CMC2: variants seen among roughly 807,000 people sequenced by gnomAD.
The protein encoded by CMC2 is COX assembly mitochondrial protein 2 homolog.
In CMC2, 5 loss-of-function variants were observed where a neutral mutation model predicts 7.5. The observed-to-expected ratio is 0.66, with a 90% CI of 0.35 to 1.40. The LOEUF is 1.40. Among genes scored for constraint, CMC2 ranks in the 40% most tolerant of loss-of-function variants. The probability of loss-of-function intolerance (pLI) is 0.04; values close to 1 mark genes in which losing one functional copy is unlikely to be tolerated. For missense variants in CMC2, 115 were observed against 92.3 expected, an observed-to-expected ratio of 1.25 and a Z score of -1.01; for synonymous variants, 37 against 31.4, an observed-to-expected ratio of 1.18 and a Z score of -0.60.
At chr16:81,004,077 G>A (rs2549869) in intron 1 of CMC2, among the ~76,000 whole-genome samples, 95,793 of 151,944 alleles carry the variant, frequency 0.63, 31,708 homozygotes, top group South Asian at 0.79. Context: ...ACAAAAATTC[G>A]CTGGGCGTGG....
intron 2 of CMC2, 186 bp downstream of exon 2, chr16:80,997,128 C>A: frequency 1.7e-6 from 1 of 595,180 alleles, no homozygotes; most frequent in South Asian, 2.0e-5. Context: ...TTTTACTAAT[C>A]ATAAAAGGAG....
At chr16:80,976,880 C>T (rs1442414500) in intron 3 of CMC2, among the ~76,000 whole-genome samples, 8 of 152,130 alleles carry the variant, frequency 5.3e-5, no homozygotes, top group African/African-American at 1.9e-4. Flanking sequence ...AGAACACAGC[C>T]TCCATCTTTT....
rs936635221 is a variant in CMC2, at chr16:81,005,832, T to C, written c.-36+902A>G. Among the ~76,000 whole-genome samples, 5 of 152,214 alleles carry C rather than the reference T, an allele frequency of 3.3e-5. No homozygotes were observed. In the East Asian group the frequency reaches 9.6e-4, roughly 29 times the overall value. On this transcript the variant is annotated intron_variant, in intron 1 of 3. Coordinates refer to ENST00000219400, the MANE Select transcript of CMC2 (RefSeq NM_020188.5). Reference sequence around the variant, plus strand: ...TCATGTGAATTTCAGAGGAAAATACTCGTTCACACATCTCAAGGAACGCAC... The same window carrying C: ...TCATGTGAATTTCAGAGGAAAATACCCGTTCACACATCTCAAGGAACGCAC...
rs1324240872 is a variant in CMC2, at chr16:80,982,512, A to AG, written c.82-636dup. On this transcript the variant is annotated intron_variant, in intron 2 of 3. Coordinates refer to ENST00000219400, the MANE Select transcript of CMC2 (RefSeq NM_020188.5). ...GGGCGACGGAGTGAAACTCCGTCTC[A>AG]GGAAAAAAAAAAAAAAAAAAAAAAA... 5 of 128,514 alleles carry AG rather than the reference A, an allele frequency of 3.9e-5. No homozygotes were observed. The East Asian group carries it at 1.0e-3, about 27-fold the overall frequency. The allele number at this position is 128,514 out of a possible 1,614,324, so 8.0% of individuals were successfully genotyped here.
intron 1 of CMC2, among the ~76,000 whole-genome samples, chr16:81,002,107 C>T (rs1467004644): frequency 6.6e-6 from 1 of 152,122 alleles, no homozygotes; most frequent in African/African-American, 2.4e-5. Context: ...CTGGTTTCTG[C>T]CTTATTTTTT....
intron 1 of CMC2, 30 bp from the exon 2 acceptor site, chr16:80,997,459 A>G: frequency 8.8e-7 from 1 of 1,135,410 alleles, no homozygotes; most frequent in Non-Finnish European, 1.3e-6. Flanking sequence ...TTGAATATGC[A>G]TAAACACATT....
Position 80,972,786 on chromosome 16 carries a change from C to A in CMC2, c.*3307G>T, listed in dbSNP as rs1257104968. On this transcript the variant is annotated 3_prime_UTR_variant, in exon 4 of 4. Coordinates refer to ENST00000219400, the MANE Select transcript of CMC2 (RefSeq NM_020188.5). ...CACTTGGTATCCTGCACAGACCCTA[C>A]AATGCCTTCCTGTTGCCCTTAGCAG... The A allele has an allele frequency of 1.3e-5, 2 of 152,210 alleles. No individual in the cohort carries two copies. The highest frequency in any genetic ancestry group is 2.1e-4 in the South Asian group (1 of 4,836). 9.4% of individuals were successfully genotyped at this position (152,210 alleles called of 1,614,324 possible). A position where few individuals can be genotyped will look rare whatever the true frequency, so the allele number is the denominator to read the frequency against.
chr16:81,002,786 T>A (rs1968966964), intron 1 of CMC2, among the ~76,000 whole-genome samples: 1 of 152,218 alleles, frequency 6.6e-6, no homozygotes, highest in East Asian at 1.9e-4. Flanking sequence ...ATTATTTAGT[T>A]TTACTTTGAA....
intron 3 of CMC2, among the ~76,000 whole-genome samples, chr16:80,977,980 G>A (rs774002728): frequency 4.0e-5 from 6 of 151,160 alleles, no homozygotes; most frequent in Non-Finnish European, 8.8e-5. Context: ...GCTGAGGCAG[G>A]AGAATCACTT....
At chr16:80,990,719 T>A (rs1415507790) in intron 2 of CMC2, among the ~76,000 whole-genome samples, 1 of 151,992 alleles carries the variant, frequency 6.6e-6, no homozygotes, top group African/African-American at 2.4e-5. Flanking sequence ...TCAAAGAAAT[T>A]TTTTTTTCTT....
At chr16:80,984,741 A>G (rs186513375) in intron 2 of CMC2, among the ~76,000 whole-genome samples, 1 of 152,202 alleles carries the variant, frequency 6.6e-6, no homozygotes, top group Non-Finnish European at 1.5e-5. Flanking sequence ...CATAGTTGAC[A>G]TTTATTCATA....
chr16:80,986,812 G>A (rs777391360), intron 2 of CMC2, among the ~76,000 whole-genome samples: 10 of 152,238 alleles, frequency 6.6e-5, no homozygotes, highest in African/African-American at 1.7e-4. Flanking sequence ...GAGTTTATTG[G>A]TGGAACAGTT....
rs1372594321 is a variant in CMC2 at position 80,967,109 on chromosome 16, C to G, written c.*8984G>C. 1.3e-5 allele frequency: 2 copies of G among 152,194 alleles called. No homozygotes were observed. The highest frequency in any genetic ancestry group is 4.8e-5 in the African/African-American group (2 of 41,450). 9.4% of individuals were successfully genotyped at this position (152,194 alleles called of 1,614,324 possible). On this transcript the variant is annotated 3_prime_UTR_variant, in exon 4 of 4. Coordinates refer to ENST00000219400, the MANE Select transcript of CMC2 (RefSeq NM_020188.5). ...ATACCAATTATGTGTTAACCACTGT[C>G]CTAAGAGCTGCAGATACAGGAATAA...
intron 2 of CMC2, chr16:80,997,035 G>A (rs12103363): frequency 2.0e-6 from 1 of 507,256 alleles, no homozygotes; most frequent in Non-Finnish European, 3.7e-6. Context: ...AATTAGGAAA[G>A]AGAAAGCATT....
intron 1 of CMC2, among the ~76,000 whole-genome samples, chr16:81,003,800 T>C (rs564645439): frequency 6.6e-6 from 1 of 152,272 alleles, no homozygotes; most frequent in African/African-American, 2.4e-5. Context: ...AGAAGAGTAT[T>C]GTATTTGTCA....
chr16:81,003,880 T>C (rs1969040082), intron 1 of CMC2, among the ~76,000 whole-genome samples: 1 of 152,226 alleles, frequency 6.6e-6, no homozygotes, highest in African/African-American at 2.4e-5. Context: ...TTCCATAAAA[T>C]GGAATTTGCT....
chr16:80,997,425 GC>G lies in CMC2; in HGVS notation c.-32del. The stretch of plus-strand genomic sequence containing the variant: ...GGAGATGAGGATGGATCACAGCAGT[GC>G]AACCTGTGGATACAAGAGTGTCTTG... On this transcript the variant is annotated 5_prime_UTR_variant, in exon 2 of 4. Coordinates refer to ENST00000219400, the MANE Select transcript of CMC2 (RefSeq NM_020188.5). 6.5e-7 allele frequency: 1 copy of G among 1,535,816 alleles called. No individual in the cohort carries two copies. The highest frequency in any genetic ancestry group is 9.0e-7 in the Non-Finnish European group (1 of 1,109,310).
At chr16:81,000,665 G>C (rs913993501) in intron 1 of CMC2, among the ~76,000 whole-genome samples, 6 of 152,144 alleles carry the variant, frequency 3.9e-5, no homozygotes, top group African/African-American at 1.4e-4. Context: ...TCACATCAGT[G>C]AGAATGGCTA....
chr16:80,987,271 T>G (rs555641672), intron 2 of CMC2, among the ~76,000 whole-genome samples: 7 of 152,240 alleles, frequency 4.6e-5, no homozygotes, highest in Non-Finnish European at 8.8e-5. Flanking sequence ...GGAAAAAAAG[T>G]GGGCATTTCA....
Sources: gnomAD v4.1 joint callset for allele counts (sites outside exome capture counted in the v4.1 genomes callset) on GRCh38, gnomAD v4.1.1 for gene constraint, MANE v1.5 for transcripts, NCBI Gene and HGNC (gene_info 2026-07-23, HGNC 2026-07-21) for gene names.